The following ERCC4 variants were observed in gnomAD, a reference collection of about 807,000 sequenced individuals.
The protein encoded by ERCC4 is ERCC excision repair 4, endonuclease catalytic subunit, also known as DNA repair endonuclease XPF.
A neutral mutation model predicts 76.9 loss-of-function variants in ERCC4; 65 were observed. That is an observed-to-expected ratio of 0.84 (90% CI 0.69 to 1.04). ERCC4 has a LOEUF of 1.04. Among genes scored for constraint, ERCC4 ranks in the 50% least tolerant of loss-of-function variants. The probability of loss-of-function intolerance (pLI) is 0.00; values close to 1 mark genes in which losing one functional copy is unlikely to be tolerated. For synonymous variants in ERCC4, 463 were observed against 410.1 expected (o/e 1.13, Z -1.56); for missense variants, 1,214 against 1,128.2 (o/e 1.08, Z -1.09).
At chr16:13,938,909 C>T (rs2032358654) in intron 9 of ERCC4, among the ~76,000 whole-genome samples, 1 of 152,166 alleles carries the variant, frequency 6.6e-6, no homozygotes, top group Non-Finnish European at 1.5e-5. Flanking sequence ...CATGGAGTCC[C>T]ACGATGGGGG....
intron 1 of ERCC4, among the ~76,000 whole-genome samples, chr16:13,920,636 C>T (rs1295845398): frequency 6.6e-6 from 1 of 151,812 alleles, no homozygotes; most frequent in African/African-American, 2.4e-5. Flanking sequence ...ATTGGAGGGG[C>T]CCCGAGAAGG....
intron 10 of ERCC4, among the ~76,000 whole-genome samples, chr16:13,947,257 T>G (rs1288684701): frequency 6.6e-6 from 1 of 152,186 alleles, no homozygotes; most frequent in Non-Finnish European, 1.5e-5. Flanking sequence ...GCCGCTATTT[T>G]AAGCCTCTAC....
chr16:13,926,231 G>A lies in ERCC4; in HGVS notation c.389-330G>A, dbSNP rs571857798. Among the ~76,000 whole-genome samples the A allele has an allele frequency of 1.3e-5, 2 of 152,224 alleles. No individual in the cohort carries two copies. The highest frequency in any genetic ancestry group is 4.8e-5 in the African/African-American group (2 of 41,528). ...ACTGTCCCCTCAGCCTGGCAGCCTG[G>A]AACTCTCTTGGCCCAGATGGTCACA... is the stretch of plus-strand genomic sequence containing the variant. On this transcript the variant is annotated intron_variant, in intron 2 of 10. Transcript: ENST00000311895.
At chr16:13,922,487 G>A (rs1044104930) in intron 2 of ERCC4, 6 of 752,796 alleles carry the variant, frequency 8.0e-6, no homozygotes, top group East Asian at 7.3e-5. Context: ...TACATCTTGG[G>A]AAGCACATAG....
chr16:13,930,819 A>G lies in ERCC4; in HGVS notation c.902A>G (p.Tyr301Cys), dbSNP rs754408222. Residue 301 changes from tyrosine (Y) to cysteine (C), a missense_variant, in exon 5 of 11, where the codon TAT becomes TGT. Transcript: ENST00000311895. The stretch of plus-strand genomic sequence containing the variant: ...ACTTTGCTGCAGTATCTCTCTCAGT[A>G]TGATTGTGTCACATTTCTTAATCTT... ...LRTLLQYLSQ[Y>C]DCVTFLNLLE... 4.3e-6 allele frequency: 7 copies of G among 1,613,110 alleles called. No homozygotes were observed. Among genetic ancestry groups the G allele is most frequent in the African/African-American group, 2.7e-5 (2 of 74,902 alleles).
Position 13,948,331 on chromosome 16 carries a change from GAAAA to G in ERCC4, c.2736_2739del (p.Lys913GlyfsTer6). 1.2e-6 allele frequency: 2 copies of G among 1,611,440 alleles called. No individual in the cohort carries two copies. The highest frequency in any genetic ancestry group is 8.5e-7 in the Non-Finnish European group (1 of 1,179,984). ...TCTTTTGCAGAAGTCGTATCAAAAGGAAAAGGGAAAAAGTGAACAGTGATGGCTG... is the reference window on the plus strand; with the variant it reads ...TCTTTTGCAGAAGTCGTATCAAAAGGGGGAAAAAGTGAACAGTGATGGCTG... On this transcript the variant is annotated frameshift_variant, in exon 11 of 11. Transcript: ENST00000311895. LOFTEE classifies it high-confidence loss of function.
intron 2 of ERCC4, among the ~76,000 whole-genome samples, chr16:13,923,052 A>G (rs1216366153): frequency 6.6e-6 from 1 of 152,192 alleles, no homozygotes; most frequent in African/African-American, 2.4e-5. Flanking sequence ...AAATTAAATC[A>G]AGTAGTTGCT....
intron 8 of ERCC4, 30 bp downstream of exon 8, chr16:13,935,773 T>A: frequency 6.7e-7 from 1 of 1,487,392 alleles, no homozygotes; most frequent in Non-Finnish European, 9.4e-7. Flanking sequence ...AGCTTTCAGT[T>A]GCACAGTTCT....
intron 2 of ERCC4, among the ~76,000 whole-genome samples, chr16:13,925,564 T>C (rs965988333): frequency 6.6e-6 from 1 of 152,196 alleles, no homozygotes; most frequent in Non-Finnish European, 1.5e-5. Context: ...AACATTAAAA[T>C]AGTAAAATCT....
At chr16:13,935,865 C>A in intron 8 of ERCC4, 122 bp downstream of exon 8, 1 of 826,824 alleles carries the variant, frequency 1.2e-6, no homozygotes, top group Non-Finnish European at 2.1e-6. Flanking sequence ...GTTTATGAAA[C>A]CTTATTTTGC....
intron 8 of ERCC4, among the ~76,000 whole-genome samples, chr16:13,937,347 TAAAAA>T (rs551889526): frequency 6.6e-6 from 1 of 152,054 alleles, no homozygotes; most frequent in African/African-American, 2.4e-5. Context: ...AGACATGAAT[TAAAAA>T]AAACGTTCAT....
At chr16:13,944,886 G>A in intron 10 of ERCC4, 51 bp downstream of exon 10, 1 of 1,178,158 alleles carries the variant, frequency 8.5e-7, no homozygotes, top group Non-Finnish European at 1.3e-6. Context: ...AGGGGGCTGT[G>A]AAGTTCCAGA....
At chr16:13,934,391 A>G in intron 7 of ERCC4, 89 bp downstream of exon 7, 2 of 846,302 alleles carry the variant, frequency 2.4e-6, no homozygotes, top group Non-Finnish European at 4.1e-6. Context: ...GTTCAAGACT[A>G]GCCTGACCAA....
chr16:13,935,471 A>G lies in ERCC4; in HGVS notation c.1539A>G (p.Gly513=), dbSNP rs374391979. The G allele has an allele frequency of 4.3e-6, 7 of 1,614,104 alleles. No individual in the cohort carries two copies. The highest frequency in any genetic ancestry group is 4.2e-6 in the Non-Finnish European group (5 of 1,180,040). ...AAGAGGAAGGAGATGTCGAGGAAGG[A>G]TATCGTCGAGAAATAAGCAGTAGCC... ...ELEEEGDVEE[G]YRREISSSPE... The change falls in exon 8 of 11, where the codon GGA becomes GGG. Residue 513 remains glycine, a synonymous_variant. Transcript: ENST00000311895.
At chr16:13,929,457 G>A (rs946194370) in intron 4 of ERCC4, among the ~76,000 whole-genome samples, 1 of 152,084 alleles carries the variant, frequency 6.6e-6, no homozygotes, top group Non-Finnish European at 1.5e-5. Context: ...TACTTCTCCT[G>A]CTCATTATTA....
Position 13,943,245 on chromosome 16 carries a change from A to G in ERCC4, c.1905-1478A>G, listed in dbSNP as rs377264991. 7.9e-5 allele frequency among the ~76,000 whole-genome samples: 12 copies of G among 152,322 alleles called. No homozygotes were observed. The South Asian group carries it at 8.3e-4, about 11-fold the overall frequency. Reference sequence around the variant, plus strand: ...TGATTTCATTTCCTCTAATGGGTGTATTAGTCCATTTTCATATTGCTATGA... The same window carrying G: ...TGATTTCATTTCCTCTAATGGGTGTGTTAGTCCATTTTCATATTGCTATGA... On this transcript the variant is annotated intron_variant, in intron 9 of 10. Coordinates refer to ENST00000311895, the MANE Select transcript of ERCC4 (RefSeq NM_005236.3).
At chr16:13,945,973 A>T (rs137940017) in intron 10 of ERCC4, among the ~76,000 whole-genome samples, 1 of 152,370 alleles carries the variant, frequency 6.6e-6, no homozygotes, top group East Asian at 1.9e-4. Flanking sequence ...TTCAAAGTCC[A>T]AATGGGTTTC....
At chr16:13,932,567 G>A in intron 6 of ERCC4, 1 of 535,368 alleles carries the variant, frequency 1.9e-6, no homozygotes, top group Non-Finnish European at 3.3e-6. Flanking sequence ...TATGCTACAT[G>A]AGGAGCTATA....
intron 6 of ERCC4, chr16:13,933,175 A>ACACC (rs1240835044): frequency 8.6e-6 from 2 of 232,990 alleles, no homozygotes; most frequent in African/African-American, 4.7e-5. Context: ...AGATATGATC[A>ACACC]CACCACTATA....
Sources: gnomAD v4.1 joint callset for allele counts (sites outside exome capture counted in the v4.1 genomes callset) on GRCh38, gnomAD v4.1.1 for gene constraint, MANE v1.5 for transcripts, NCBI Gene and HGNC (gene_info 2026-07-23, HGNC 2026-07-21) for gene names.